Variants in ATP2C2 observed in about 807,000 individuals in gnomAD.
The protein encoded by ATP2C2 is calcium-transporting ATPase type 2C member 2.
In ATP2C2, 171 loss-of-function variants were observed where a neutral mutation model predicts 110.8. The ratio of observed to expected loss-of-function variants is 1.54; its 90% CI spans 1.36 to 1.75. The LOEUF (loss-of-function observed/expected upper bound fraction) is 1.75, where lower values mean the gene tolerates loss of function less well. Among genes scored for constraint, ATP2C2 ranks in the 40% most tolerant of loss-of-function variants. ATP2C2 has a pLI of 0.00. For missense variants in ATP2C2, 1,963 were observed against 1,235.0 expected, an observed-to-expected ratio of 1.59 and a Z score of -8.84; for synonymous variants, 804 against 508.4, an observed-to-expected ratio of 1.58 and a Z score of -7.82.
At chr16:84,418,386 C>G (rs1907025448) in intron 7 of ATP2C2, among the ~76,000 whole-genome samples, 1 of 152,150 alleles carries the variant, frequency 6.6e-6, no homozygotes, top group Admixed American at 6.5e-5. Context: ...CCCCTCCTGC[C>G]CACCTGCTGA....
intron 6 of ATP2C2, among the ~76,000 whole-genome samples, chr16:84,411,160 C>G (rs1015011134): frequency 6.6e-6 from 1 of 152,132 alleles, no homozygotes; most frequent in African/African-American, 2.4e-5. Flanking sequence ...AGATCCAGGT[C>G]TTTAACAAGC....
At chr16:84,368,892 G>C (rs1266294148) in intron 1 of ATP2C2, among the ~76,000 whole-genome samples, 178 bp downstream of exon 1, 1 of 152,240 alleles carries the variant, frequency 6.6e-6, no homozygotes, top group Non-Finnish European at 1.5e-5. Context: ...CTCTGGCGCG[G>C]GGAGCTCAGC....
intron 2 of ATP2C2, among the ~76,000 whole-genome samples, chr16:84,402,104 T>C (rs1217512711): frequency 6.6e-6 from 1 of 151,804 alleles, no homozygotes. Flanking sequence ...GATTACTTAA[T>C]TGATTTCTTT....
Position 84,432,396 on chromosome 16 carries a change from A to G in ATP2C2, c.986+6595A>G, listed in dbSNP as rs188176683. Among the ~76,000 whole-genome samples, 166 of 152,122 alleles carry G rather than the reference A, an allele frequency of 1.1e-3. 1 individual carries two copies. Among genetic ancestry groups the G allele is most frequent in the Non-Finnish European group, 1.5e-3 (99 of 67,990 alleles). On this transcript the variant is annotated intron_variant, in intron 11 of 26. Transcript: ENST00000262429. ...ACCCGTCATCTAGGTTTTAAGCCCC[A>G]CATGCATTAGGCATTTGGCCTAATG...
intron 11 of ATP2C2, among the ~76,000 whole-genome samples, chr16:84,437,885 T>G (rs1908889721): frequency 6.6e-6 from 1 of 152,242 alleles, no homozygotes; most frequent in South Asian, 2.1e-4. Flanking sequence ...TTCCCACCTA[T>G]GCCCACATCC....
chr16:84,408,367 A>T (rs746356059), intron 3 of ATP2C2, 38 bp from the exon 4 acceptor site: 6 of 1,590,480 alleles, frequency 3.8e-6, no homozygotes, highest in Non-Finnish European at 5.2e-6. Flanking sequence ...GGTCCCTGAG[A>T]CTAAAGAACG....
intron 4 of ATP2C2, 117 bp from the exon 5 acceptor site, chr16:84,410,451 C>G: frequency 8.3e-7 from 1 of 1,207,270 alleles, no homozygotes. Context: ...GTACTGTGCA[C>G]ATGTTTTGCA....
At chr16:84,426,968 C>G (rs903141960) in intron 11 of ATP2C2, among the ~76,000 whole-genome samples, 11 of 152,154 alleles carry the variant, frequency 7.2e-5, no homozygotes, top group African/African-American at 1.9e-4. Context: ...GTCAGTAGTT[C>G]TTCTGTGGCT....
At chr16:84,408,702 C>G (rs542019975) in intron 4 of ATP2C2, among the ~76,000 whole-genome samples, 1 of 152,246 alleles carries the variant, frequency 6.6e-6, no homozygotes, top group East Asian at 1.9e-4. Flanking sequence ...GCTTGCTGGA[C>G]ACACAGGTGC....
intron 11 of ATP2C2, among the ~76,000 whole-genome samples, chr16:84,437,888 C>G (rs545962146): frequency 6.6e-6 from 1 of 152,342 alleles, no homozygotes; most frequent in African/African-American, 2.4e-5. Flanking sequence ...CCACCTATGC[C>G]CACATCCCAG....
chr16:84,391,671 C>G (rs777015055), intron 1 of ATP2C2, among the ~76,000 whole-genome samples: 2 of 152,216 alleles, frequency 1.3e-5, no homozygotes, highest in African/African-American at 4.8e-5. Context: ...AAGAAAAGAT[C>G]TTGCCTGCAG....
rs986376711 is a variant in ATP2C2, at chr16:84,463,972, CTGTT to C, written c.*242_*245del. The stretch of plus-strand genomic sequence containing the variant: ...GAGGGGCCTGTACAGAAACACCACA[CTGTT>C]TATTAAATCACAATGATTTTTATTA... On this transcript the variant is annotated 3_prime_UTR_variant, in exon 27 of 27. Coordinates refer to ENST00000262429, the MANE Select transcript of ATP2C2 (RefSeq NM_014861.4). 1 of 463,804 alleles carries C rather than the reference CTGTT, an allele frequency of 2.2e-6. No homozygotes were observed. The highest frequency in any genetic ancestry group is 1.9e-5 in the African/African-American group (1 of 51,602). The allele number at this position is 463,804 out of a possible 1,614,324, so 28.7% of individuals were successfully genotyped here.
intron 1 of ATP2C2, among the ~76,000 whole-genome samples, chr16:84,392,886 C>T (rs1567691509): frequency 6.6e-6 from 1 of 152,288 alleles, no homozygotes; most frequent in South Asian, 2.1e-4. Flanking sequence ...TCCAGTATTT[C>T]CTGTCAACTG....
rs752097437 is a variant in ATP2C2 at position 84,422,703 on chromosome 16, G to C, written c.843+6G>C. ...AGATGATGCAGGCTGAAGAGGTAAG[G>C]GGCAGGAGGGGGCTTCGGGACTTTT... On this transcript the variant is annotated splice_donor_region_variant and intron_variant, in intron 9 of 26. Coordinates refer to ENST00000262429, the MANE Select transcript of ATP2C2 (RefSeq NM_014861.4). The C allele has an allele frequency of 1.1e-5, 18 of 1,601,480 alleles. No individual in the cohort carries two copies. The Admixed American group carries it at 3.1e-4, about 27-fold the overall frequency.
At chr16:84,375,663 G>A (rs900504688) in intron 1 of ATP2C2, among the ~76,000 whole-genome samples, 2 of 152,144 alleles carry the variant, frequency 1.3e-5, no homozygotes, top group Admixed American at 1.3e-4. Context: ...CCCTCATGAT[G>A]TATCATTCAG....
intron 6 of ATP2C2, 58 bp downstream of exon 6, chr16:84,410,823 A>C: frequency 2.6e-6 from 4 of 1,526,344 alleles, no homozygotes; most frequent in Non-Finnish European, 3.6e-6. Flanking sequence ...GGAGCTGGAG[A>C]GTTTGGCAAA....
Position 84,463,595 on chromosome 16 carries a change from C to G in ATP2C2, c.2723-19C>G, listed in dbSNP as rs767810921. 2 of 1,599,964 alleles carry G rather than the reference C, an allele frequency of 1.3e-6. No individual in the cohort carries two copies. The highest frequency in any genetic ancestry group is 1.1e-5 in the South Asian group (1 of 90,762). On this transcript the variant is annotated intron_variant, in intron 26 of 26. Transcript: ENST00000262429. ...AGCTGCAGCCCGTCCTGAATCTTTT[C>G]TGTTTTCTCCCTTGGCAGATTTGCT...
intron 6 of ATP2C2, among the ~76,000 whole-genome samples, chr16:84,414,286 G>A (rs534282178): frequency 6.6e-6 from 1 of 152,284 alleles, no homozygotes; most frequent in Admixed American, 6.5e-5. Context: ...TGAGGTGGGA[G>A]CCGTGGGGTT....
At chr16:84,375,115 T>A (rs546132885) in intron 1 of ATP2C2, among the ~76,000 whole-genome samples, 2 of 152,318 alleles carry the variant, frequency 1.3e-5, no homozygotes, top group South Asian at 4.1e-4. Flanking sequence ...AAAATGGCCA[T>A]GAGTAGAGGT....
Sources: gnomAD v4.1 joint callset for allele counts (sites outside exome capture counted in the v4.1 genomes callset) on GRCh38, gnomAD v4.1.1 for gene constraint, MANE v1.5 for transcripts, NCBI Gene and HGNC (gene_info 2026-07-23, HGNC 2026-07-21) for gene names.